The following GJA1 variants were observed in gnomAD, a reference collection of about 807,000 sequenced individuals.
GJA1 encodes the protein gap junction alpha-1 protein.
GJA1 carries 9 observed loss-of-function variants against 31.0 expected under a neutral mutation model. That is an observed-to-expected ratio of 0.29 (90% CI 0.17 to 0.51). GJA1 has a LOEUF of 0.51. Among genes scored for constraint, GJA1 ranks in the 20% least tolerant of loss-of-function variants. The pLI is 0.98. For missense variants in GJA1, 278 were observed against 468.8 expected (o/e 0.59, Z 3.76); for synonymous variants, 186 against 180.1 (o/e 1.03, Z -0.26).
rs1460872904 is a variant in GJA1, at chr6:121,447,848, C to T, written c.1001C>T (p.Pro334Leu). The change falls in exon 2 of 2, where the codon CCT becomes CTT. Residue 334 changes from proline (P) to leucine (L), a missense_variant. Pro to Leu is a moderately conservative substitution (Grantham distance 98, BLOSUM62 -3). Transcript: ENST00000282561. ...GSTISNSHAQ[P>L]FDFPDDNQNS... ...ACCATCTCTAACTCCCATGCACAGCCTTTTGATTTCCCCGATGATAACCAG... is the reference window on the plus strand; with the variant it reads ...ACCATCTCTAACTCCCATGCACAGCTTTTTGATTTCCCCGATGATAACCAG... 5.0e-6 allele frequency: 8 copies of T among 1,613,888 alleles called. No homozygotes were observed. Among genetic ancestry groups the T allele is most frequent in the Non-Finnish European group, 5.1e-6 (6 of 1,179,856 alleles).
At position 121,448,847 on chromosome 6, in the gene GJA1, G is replaced by T. The variant is rs539905211; in HGVS notation, c.*851G>T. The T allele has an allele frequency of 6.0e-5, 10 of 166,874 alleles. No homozygotes were observed. The South Asian group carries it at 1.5e-3, about 24-fold the overall frequency. 10.3% of individuals were successfully genotyped at this position (166,874 alleles called of 1,614,324 possible). ...GTGTGTCGAAGAGTTTGTTTTGTTT[G>T]TCATGTATTGGTACAAGCAGATACA... On this transcript the variant is annotated 3_prime_UTR_variant, in exon 2 of 2. Transcript: ENST00000282561.
chr6:121,445,277 C>G (rs959759933), intron 1 of GJA1, among the ~76,000 whole-genome samples: 1 of 152,114 alleles, frequency 6.6e-6, no homozygotes, highest in Admixed American at 6.5e-5. Context: ...TCCCGAGTAG[C>G]TGGGACTACA....
At chr6:121,437,604 G>C (rs1462049634) in intron 1 of GJA1, among the ~76,000 whole-genome samples, 1 of 152,006 alleles carries the variant, frequency 6.6e-6, no homozygotes, top group Non-Finnish European at 1.5e-5. Flanking sequence ...CCTCACGGTC[G>C]TAGCAGCGCT....
In GJA1 at chr6:121,436,919, G is replaced by A. The variant is rs1297717080; in HGVS notation, c.-17+1087G>A. 2.6e-5 allele frequency among the ~76,000 whole-genome samples: 4 copies of A among 152,226 alleles called. No individual in the cohort carries two copies. The East Asian group carries it at 7.7e-4, about 29-fold the overall frequency. On this transcript the variant is annotated intron_variant, in intron 1 of 1. Coordinates refer to ENST00000282561, the MANE Select transcript of GJA1 (RefSeq NM_000165.5). ...TTGGTAACACCCATTCTGTTCATCA[G>A]AAATGCAGCCATGCATTTTTGTGCC...
chr6:121,448,012 C>G lies in GJA1; in HGVS notation c.*16C>G. The G allele has an allele frequency of 6.2e-7, 1 of 1,604,798 alleles. No homozygotes were observed. The highest frequency in any genetic ancestry group is 1.1e-5 in the South Asian group (1 of 90,912). On this transcript the variant is annotated 3_prime_UTR_variant, in exon 2 of 2. Coordinates refer to ENST00000282561, the MANE Select transcript of GJA1 (RefSeq NM_000165.5). ...GGAGATCTAGATACAGGCTTGAAAG[C>G]ATCAAGATTCCACTCAATTGTGGAG...
intron 1 of GJA1, among the ~76,000 whole-genome samples, chr6:121,440,927 G>T (rs1773766937): frequency 6.8e-6 from 1 of 146,344 alleles, no homozygotes; most frequent in Non-Finnish European, 1.5e-5. Context: ...TGTTGTTGTT[G>T]TTGTTGTTGT....
intron 1 of GJA1, among the ~76,000 whole-genome samples, chr6:121,441,020 G>A (rs1433969067): frequency 6.6e-6 from 1 of 151,946 alleles, no homozygotes; most frequent in Non-Finnish European, 1.5e-5. Context: ...CCGGCTCACT[G>A]CAAGCTCCGC....
chr6:121,444,773 A>G (rs927699406), intron 1 of GJA1, among the ~76,000 whole-genome samples: 1 of 152,214 alleles, frequency 6.6e-6, no homozygotes, highest in Non-Finnish European at 1.5e-5. Context: ...TTTAATTATT[A>G]AACAATCTTT....
At chr6:121,439,262 A>G (rs1012883559) in intron 1 of GJA1, among the ~76,000 whole-genome samples, 18 of 152,358 alleles carry the variant, frequency 1.2e-4, no homozygotes, top group African/African-American at 4.3e-4. Context: ...AGTAAGAACC[A>G]AACTTTACTG....
At position 121,447,721 on chromosome 6, in the gene GJA1, G is replaced by A. The variant is rs1389609669; in HGVS notation, c.874G>A (p.Asp292Asn). The A allele has an allele frequency of 1.1e-5, 17 of 1,613,976 alleles. No homozygotes were observed. The highest frequency in any genetic ancestry group is 3.3e-5 in the Admixed American group (2 of 59,980). ...TCCTGGGTACAAGCTGGTTACTGGCGACAGAAACAATTCTTCTTGCCGCAA... is the reference window on the plus strand; with the variant it reads ...TCCTGGGTACAAGCTGGTTACTGGCAACAGAAACAATTCTTCTTGCCGCAA... The part of the protein sequence containing the change: ...SPPGYKLVTG[D>N]RNNSSCRNYN... The change falls in exon 2 of 2, where the codon GAC (aspartate) becomes AAC (asparagine). Residue 292 changes from aspartate (D) to asparagine (N), a missense_variant. Physicochemically the swap from Asp to Asn is conservative, Grantham distance 23. Around this residue, in one of 3 missense-constraint regions of GJA1, gnomAD observed 172 missense variants for 190.9 expected, o/e 0.90. Coordinates refer to ENST00000282561, the MANE Select transcript of GJA1 (RefSeq NM_000165.5).
rs1417485120 is a variant in GJA1, at chr6:121,448,704, C to A, written c.*708C>A. ...TTCATCATTCCTCAGCTACTACTCA[C>A]ATTCATTTAATGGTTTCTGTAAACA... On this transcript the variant is annotated 3_prime_UTR_variant, in exon 2 of 2. Coordinates refer to ENST00000282561, the MANE Select transcript of GJA1 (RefSeq NM_000165.5). 6.0e-6 allele frequency: 1 copy of A among 167,206 alleles called. No homozygotes were observed. The highest frequency in any genetic ancestry group is 1.5e-5 in the Non-Finnish European group (1 of 68,324). The allele number at this position is 167,206 out of a possible 1,614,324, so 10.4% of individuals were successfully genotyped here. A position where few individuals can be genotyped will look rare whatever the true frequency, so the allele number is the denominator to read the frequency against.
At chr6:121,438,237 C>T (rs528480034) in intron 1 of GJA1, among the ~76,000 whole-genome samples, 5 of 152,166 alleles carry the variant, frequency 3.3e-5, no homozygotes, top group Non-Finnish European at 7.3e-5. Context: ...TAGTGCTTTG[C>T]TCCTACTTTC....
rs1773905275 is a variant in GJA1, at chr6:121,447,343, G to A, written c.496G>A (p.Glu166Lys). 1 of 1,613,972 alleles carries A rather than the reference G, an allele frequency of 6.2e-7. No individual in the cohort carries two copies. Among genetic ancestry groups the A allele is most frequent in the Non-Finnish European group, 8.5e-7 (1 of 1,180,016 alleles). Residue 166 changes from glutamate to lysine, a missense_variant, in exon 2 of 2, where the codon GAG becomes AAG. Glu to Lys is a moderately conservative substitution (Grantham distance 56). Transcript: ENST00000282561. ...IISILFKSIF[E>K]VAFLLIQWYI... ...CAGTATCCTCTTCAAGTCTATCTTTGAGGTGGCCTTCTTGCTGATCCAGTG... is the reference window on the plus strand; with the variant it reads ...CAGTATCCTCTTCAAGTCTATCTTTAAGGTGGCCTTCTTGCTGATCCAGTG...
chr6:121,443,913 C>T (rs1181942172), intron 1 of GJA1, among the ~76,000 whole-genome samples: 1 of 152,110 alleles, frequency 6.6e-6, no homozygotes, highest in Non-Finnish European at 1.5e-5. Flanking sequence ...ATGACACTGG[C>T]AAAATACTGT....
intron 1 of GJA1, among the ~76,000 whole-genome samples, chr6:121,440,912 TTTGTTGTTG>T (rs59447853): frequency 2.7e-4 from 39 of 142,300 alleles, no homozygotes; most frequent in Admixed American, 6.2e-4. Flanking sequence ...TGGCTACTTT[TTTGTTGTTG>T]TTGTTGTTGT....
At chr6:121,446,254 C>T (rs1485484512) in intron 1 of GJA1, among the ~76,000 whole-genome samples, 1 of 151,872 alleles carries the variant, frequency 6.6e-6, no homozygotes, top group African/African-American at 2.4e-5. Flanking sequence ...GAGATTGTGC[C>T]ATTGCACTCC....
chr6:121,444,233 A>G (rs1423855426), intron 1 of GJA1, among the ~76,000 whole-genome samples: 2 of 152,114 alleles, frequency 1.3e-5, no homozygotes, highest in Non-Finnish European at 2.9e-5. Context: ...TCATACATCA[A>G]TTTCACTTCC....
At chr6:121,438,002 C>G (rs1217085980) in intron 1 of GJA1, among the ~76,000 whole-genome samples, 1 of 152,040 alleles carries the variant, frequency 6.6e-6, no homozygotes, top group Non-Finnish European at 1.5e-5. Context: ...CTCCCCCCCG[C>G]GCCAGGAATG....
At position 121,447,309 on chromosome 6, in the gene GJA1, C is replaced by T; in HGVS notation, c.462C>T (p.Thr154=). The change falls in exon 2 of 2, where the codon ACC becomes ACT. Residue 154 remains threonine (T), a synonymous_variant. Coordinates refer to ENST00000282561, the MANE Select transcript of GJA1 (RefSeq NM_000165.5). The part of the protein sequence containing the change: ...KVKMRGGLLR[T]YIISILFKSI... ...AAATGCGAGGGGGGTTGCTGCGAAC[C>T]TACATCATCAGTATCCTCTTCAAGT... 6.2e-7 allele frequency: 1 copy of T among 1,614,076 alleles called. No homozygotes were observed. The highest frequency in any genetic ancestry group is 2.2e-5 in the East Asian group (1 of 44,868).
Sources: allele counts gnomAD v4.1 joint callset (sites outside exome capture counted in the v4.1 genomes callset), GRCh38; gene constraint gnomAD v4.1.1; regional missense constraint gnomAD v4.1.1; transcripts MANE v1.5; gene names NCBI Gene and HGNC (gene_info 2026-07-23, HGNC 2026-07-21).